The following FUT8 variants were observed in gnomAD, a reference collection of about 807,000 sequenced individuals.
FUT8 encodes alpha-(1,6)-fucosyltransferase.
Under a neutral mutation model 71.3 loss-of-function variants are expected in FUT8, and 29 were observed. That is an observed-to-expected ratio of 0.41 (90% CI 0.30 to 0.55). The LOEUF is 0.55. Ranked by LOEUF, FUT8 falls within the 20% of genes least tolerant of loss-of-function variation. The pLI is 0.34. For missense variants in FUT8, 544 were observed against 702.1 expected, an observed-to-expected ratio of 0.77 and a Z score of 2.55; for synonymous variants, 254 against 239.3, an observed-to-expected ratio of 1.06 and a Z score of -0.57.
At chr14:65,407,412 T>G (rs17246035), upstream of FUT8, among the ~76,000 whole-genome samples, 18,962 of 152,194 alleles carry the variant, frequency 0.12, 1,526 homozygotes, top group East Asian at 0.39. Context: ...GATAATACTT[T>G]TTTTTCTGAA....
intron 7 of FUT8, among the ~76,000 whole-genome samples, chr14:65,687,743 C>G (rs1409186918): frequency 6.6e-6 from 1 of 151,936 alleles, no homozygotes; most frequent in African/African-American, 2.4e-5. Context: ...CTTATTCTCC[C>G]CAACCTTTTT....
chr14:65,385,386 C>T, the FUT8 span, among the ~76,000 whole-genome samples: 1 of 152,096 alleles, frequency 6.6e-6, no homozygotes, highest in Non-Finnish European at 1.5e-5. Context: ...TTTTATTCTC[C>T]CTTAAACTCT....
intron 3 of FUT8, among the ~76,000 whole-genome samples, chr14:65,590,519 A>G (rs1422771186): frequency 6.6e-6 from 1 of 151,914 alleles, no homozygotes; most frequent in Non-Finnish European, 1.5e-5. Flanking sequence ...ACTGGGGGGG[A>G]ATAATAATAA....
chr14:65,456,392 G>T (rs2065893900), intron 2 of FUT8, among the ~76,000 whole-genome samples: 2 of 152,142 alleles, frequency 1.3e-5, no homozygotes, highest in Admixed American at 1.3e-4. Context: ...GTTTATTCAT[G>T]TTGCTGTGTG....
chr14:65,661,811 T>C (rs1435604414), intron 6 of FUT8, among the ~76,000 whole-genome samples: 1 of 152,232 alleles, frequency 6.6e-6, no homozygotes, highest in Non-Finnish European at 1.5e-5. Flanking sequence ...AATTGTTCTT[T>C]TTTTGCAAAG....
chr14:65,468,379 G>T, intron 2 of FUT8: 3 of 442,856 alleles, frequency 6.8e-6, no homozygotes, highest in South Asian at 4.2e-5. Flanking sequence ...GGTTCCGGCC[G>T]AAAGGTTGGA....
At chr14:65,410,489 G>A (rs1004128127), upstream of FUT8, 3 of 151,136 alleles carry the variant, frequency 2.0e-5, no homozygotes, top group Non-Finnish European at 4.4e-5. Context: ...GTATTCAAGA[G>A]ATACCAAAGT....
At chr14:65,676,270 G>T (rs569523772) in intron 7 of FUT8, among the ~76,000 whole-genome samples, 2 of 152,260 alleles carry the variant, frequency 1.3e-5, no homozygotes, top group Non-Finnish European at 2.9e-5. Context: ...CCTCACTATG[G>T]AGTGTAAACT....
intron 9 of FUT8, among the ~76,000 whole-genome samples, chr14:65,727,258 C>T (rs1272146420): frequency 6.6e-6 from 1 of 152,196 alleles, no homozygotes; most frequent in Non-Finnish European, 1.5e-5. Context: ...TGTGTGGGGG[C>T]TCTGACCCCA....
chr14:65,420,519 G>C (rs539046699), intron 1 of FUT8, among the ~76,000 whole-genome samples: 1 of 151,960 alleles, frequency 6.6e-6, no homozygotes, highest in African/African-American at 2.4e-5. Flanking sequence ...TAGGGATCAT[G>C]TGTTCATTTC....
chr14:65,679,987 T>C (rs1228639630), intron 7 of FUT8, among the ~76,000 whole-genome samples: 1 of 152,204 alleles, frequency 6.6e-6, no homozygotes, highest in Admixed American at 6.5e-5. Context: ...AGAGGAACCA[T>C]TGTATATGGC....
chr14:65,391,632 G>A, the FUT8 span, among the ~76,000 whole-genome samples: 2 of 152,074 alleles, frequency 1.3e-5, no homozygotes, highest in African/African-American at 4.8e-5. Context: ...GGGATTACAG[G>A]CATGAGCCAC....
chr14:65,634,164 C>A (rs140966001), intron 6 of FUT8, among the ~76,000 whole-genome samples: 1 of 148,206 alleles, frequency 6.7e-6, no homozygotes, highest in African/African-American at 2.5e-5. Context: ...GGATGGTTGC[C>A]GTGTCTGTGT....
intron 1 of FUT8, among the ~76,000 whole-genome samples, chr14:65,453,211 T>A (rs947851652): frequency 6.6e-6 from 1 of 151,786 alleles, no homozygotes; most frequent in Non-Finnish European, 1.5e-5. Flanking sequence ...TGGTCATAGG[T>A]CATGGCAGTA....
chr14:65,612,567 C>T (rs909447010), intron 3 of FUT8, among the ~76,000 whole-genome samples: 4 of 152,204 alleles, frequency 2.6e-5, no homozygotes, highest in African/African-American at 9.7e-5. Context: ...TTCTGGAATT[C>T]TCTGTCCTCT....
chr14:65,672,696 A>G (rs1892528460), intron 7 of FUT8, among the ~76,000 whole-genome samples: 1 of 152,180 alleles, frequency 6.6e-6, no homozygotes, highest in South Asian at 2.1e-4. Context: ...CCTGGCCTCA[A>G]GCAGTCCTCC....
At chr14:65,681,159 G>T (rs536533002) in intron 7 of FUT8, among the ~76,000 whole-genome samples, 18 of 152,174 alleles carry the variant, frequency 1.2e-4, no homozygotes, top group African/African-American at 4.3e-4. Context: ...TAAGAAGCTT[G>T]TCCTATTTAT....
At chr14:65,368,158 A>G in the FUT8 span, among the ~76,000 whole-genome samples, 1 of 143,608 alleles carries the variant, frequency 7.0e-6, no homozygotes, top group East Asian at 2.0e-4. Context: ...GGTTCATGCC[A>G]TTCTCCTGCC....
intron 2 of FUT8, among the ~76,000 whole-genome samples, chr14:65,502,726 G>T (rs2066666287): frequency 6.6e-6 from 1 of 152,180 alleles, no homozygotes; most frequent in African/African-American, 2.4e-5. Context: ...CCAAACAGTG[G>T]TCTGCAGTGG....
Sources: allele counts gnomAD v4.1 joint callset (sites outside exome capture counted in the v4.1 genomes callset), GRCh38; gene constraint gnomAD v4.1.1; transcripts MANE v1.5; gene names NCBI Gene and HGNC (gene_info 2026-07-23, HGNC 2026-07-21).